MDGA2: variants seen among roughly 807,000 people sequenced by gnomAD.
MDGA2 encodes the protein MAM domain-containing glycosylphosphatidylinositol anchor protein 2.
In MDGA2, 40 loss-of-function variants were observed where a neutral mutation model predicts 117.8. The ratio of observed to expected loss-of-function variants is 0.34; its 90% CI spans 0.26 to 0.44. The LOEUF (loss-of-function observed/expected upper bound fraction) is 0.44, where lower values mean the gene tolerates loss of function less well. Among genes scored for constraint, MDGA2 ranks in the 20% least tolerant of loss-of-function variants. MDGA2 has a pLI of 1.00. For missense variants in MDGA2, 1,123 were observed against 1,250.6 expected, an observed-to-expected ratio of 0.90 and a Z score of 1.54; for synonymous variants, 452 against 439.0, an observed-to-expected ratio of 1.03 and a Z score of -0.37.
chr14:47,057,826 C>T (rs1889742457), intron 7 of MDGA2, among the ~76,000 whole-genome samples: 1 of 151,942 alleles, frequency 6.6e-6, no homozygotes, highest in Admixed American at 6.6e-5. Context: ...ACCATGATAG[C>T]TCACTGCAGC....
chr14:47,281,543 A>C (rs1888489659), intron 2 of MDGA2, among the ~76,000 whole-genome samples: 1 of 152,204 alleles, frequency 6.6e-6, no homozygotes, highest in Non-Finnish European at 1.5e-5. Flanking sequence ...AGAGGTATAT[A>C]CTGTCTGGTT....
At chr14:47,539,064 G>A (rs538038916) in intron 1 of MDGA2, among the ~76,000 whole-genome samples, 1 of 152,252 alleles carries the variant, frequency 6.6e-6, no homozygotes, top group Admixed American at 6.5e-5. Context: ...CTAGCCTAGT[G>A]GAAACTTCCC....
intron 10 of MDGA2, among the ~76,000 whole-genome samples, chr14:46,892,347 A>G (rs754506628): frequency 2.6e-5 from 4 of 151,938 alleles, no homozygotes; most frequent in Non-Finnish European, 5.9e-5. Flanking sequence ...TACACCATAC[A>G]CAGATTAACT....
intron 9 of MDGA2, among the ~76,000 whole-genome samples, chr14:46,952,205 C>T (rs1047292434): frequency 3.3e-5 from 5 of 150,752 alleles, no homozygotes; most frequent in Admixed American, 1.3e-4. Context: ...GACGGTGAAG[C>T]AATACAATAA....
chr14:47,577,498 C>T (rs566744017), intron 1 of MDGA2, among the ~76,000 whole-genome samples: 1 of 152,140 alleles, frequency 6.6e-6, no homozygotes, highest in African/African-American at 2.4e-5. Context: ...TCAGAGGGAA[C>T]AGACAACCTA....
At chr14:47,489,333 C>T (rs1027438511) in intron 1 of MDGA2, among the ~76,000 whole-genome samples, 11 of 151,984 alleles carry the variant, frequency 7.2e-5, no homozygotes, top group East Asian at 1.9e-4. Context: ...ATAACTTTTT[C>T]GTGGCACTCA....
chr14:47,672,094 G>A (rs1898085493), intron 1 of MDGA2, among the ~76,000 whole-genome samples: 1 of 152,158 alleles, frequency 6.6e-6, no homozygotes, highest in Non-Finnish European at 1.5e-5. Flanking sequence ...CAAGTTCCAG[G>A]GTGATGCTAA....
At chr14:47,488,871 T>G (rs1210789553) in intron 1 of MDGA2, among the ~76,000 whole-genome samples, 2 of 152,032 alleles carry the variant, frequency 1.3e-5, no homozygotes, top group Non-Finnish European at 2.9e-5. Flanking sequence ...ACAGACAAAT[T>G]ACTATAGTTT....
intron 6 of MDGA2, among the ~76,000 whole-genome samples, chr14:47,077,434 T>C (rs778522015): frequency 6.6e-6 from 1 of 152,156 alleles, no homozygotes; most frequent in Non-Finnish European, 1.5e-5. Context: ...ATTACTGTTA[T>C]TTTTTGTTTT....
chr14:47,297,916 A>G (rs895238290), intron 2 of MDGA2, among the ~76,000 whole-genome samples: 5 of 152,206 alleles, frequency 3.3e-5, no homozygotes, highest in African/African-American at 4.8e-5. Flanking sequence ...GAAAAATAAT[A>G]AAGCCAACAT....
intron 8 of MDGA2, among the ~76,000 whole-genome samples, chr14:47,032,547 G>A (rs1191492456): frequency 2.6e-5 from 4 of 152,218 alleles, no homozygotes; most frequent in South Asian, 2.1e-4. Flanking sequence ...AGCTATGATC[G>A]TGCCACTGTA....
chr14:47,372,795 G>C (rs1891392405), intron 1 of MDGA2, among the ~76,000 whole-genome samples: 1 of 151,786 alleles, frequency 6.6e-6, no homozygotes, highest in South Asian at 2.1e-4. Context: ...AAAAACTGGA[G>C]GGAAAATAAT....
intron 2 of MDGA2, among the ~76,000 whole-genome samples, chr14:47,245,137 C>T (rs1887195044): frequency 6.6e-6 from 1 of 151,750 alleles, no homozygotes; most frequent in African/African-American, 2.4e-5. Context: ...ATCCTCCCAA[C>T]TCAAGTCTCC....
intron 1 of MDGA2, among the ~76,000 whole-genome samples, chr14:47,566,955 T>C (rs532641189): frequency 6.6e-6 from 1 of 151,890 alleles, no homozygotes; most frequent in South Asian, 2.1e-4. Flanking sequence ...GTTGCCAAGA[T>C]TGAAATGCAG....
intron 1 of MDGA2, among the ~76,000 whole-genome samples, chr14:47,501,136 T>A (rs1205754381): frequency 6.6e-6 from 1 of 152,152 alleles, no homozygotes; most frequent in Non-Finnish European, 1.5e-5. Flanking sequence ...TTAAATATGA[T>A]CAAACCTCTG....
chr14:47,296,664 C>T (rs1889085142), intron 2 of MDGA2, among the ~76,000 whole-genome samples: 1 of 152,122 alleles, frequency 6.6e-6, no homozygotes, highest in African/African-American at 2.4e-5. Context: ...AGTAACAGGT[C>T]CCTTTCAACT....
At chr14:46,897,824 T>C (rs941090877) in intron 10 of MDGA2, among the ~76,000 whole-genome samples, 1 of 151,962 alleles carries the variant, frequency 6.6e-6, no homozygotes, top group African/African-American at 2.4e-5. Flanking sequence ...ACATATAATA[T>C]GAAAAACATG....
intron 3 of MDGA2, among the ~76,000 whole-genome samples, chr14:47,185,524 T>C (rs539754553): frequency 6.6e-6 from 1 of 151,564 alleles, no homozygotes; most frequent in Non-Finnish European, 1.5e-5. Context: ...CAAAATTGAC[T>C]CGAGAGGGAA....
chr14:47,674,728 C>T lies in MDGA2; in HGVS notation c.69G>A (p.Arg23=). 1.2e-6 allele frequency: 1 copy of T among 809,856 alleles called. No homozygotes were observed. The highest frequency in any genetic ancestry group is 1.4e-5 in the South Asian group (1 of 69,218). 50.2% of individuals were successfully genotyped at this position (809,856 alleles called of 1,614,324 possible). A position where few individuals can be genotyped will look rare whatever the true frequency, so the allele number is the denominator to read the frequency against. ...GAACCGCTCGCCGAAGGAGGAAGCG[C>T]CGTCCGTCTGTCCTTCCCCGGCGGC... The part of the protein sequence containing the change: ...RRRRRGRTDG[R]RFLLRRAVPG... The change falls in exon 1 of 17, where the codon CGG becomes CGA. Residue 23 remains arginine (R), a synonymous_variant. Transcript: ENST00000399232.
Sources: gnomAD v4.1 joint callset for allele counts (sites outside exome capture counted in the v4.1 genomes callset) on GRCh38, gnomAD v4.1.1 for gene constraint, MANE v1.5 for transcripts, NCBI Gene and HGNC (gene_info 2026-07-23, HGNC 2026-07-21) for gene names.